The following NPAS3 variants were observed in gnomAD, a reference collection of about 807,000 sequenced individuals.
The protein encoded by NPAS3 is neuronal PAS domain-containing protein 3.
In NPAS3, 14 loss-of-function variants were observed where a neutral mutation model predicts 73.1. That is an observed-to-expected ratio of 0.19 (90% CI 0.13 to 0.30). NPAS3 has a LOEUF of 0.30. Ranked by LOEUF, NPAS3 falls within the 10% of genes least tolerant of loss-of-function variation. The pLI is 1.00. For missense variants in NPAS3, 1,096 were observed against 1,250.0 expected (o/e 0.88, Z 1.86); for synonymous variants, 620 against 541.5 (o/e 1.14, Z -2.01).
At chr14:33,770,639 A>G (rs539831801) in intron 7 of NPAS3, among the ~76,000 whole-genome samples, 18 of 152,236 alleles carry the variant, frequency 1.2e-4, no homozygotes, top group African/African-American at 4.3e-4. Context: ...ACTGCCAGGC[A>G]CAGTAATCCC....
At chr14:33,500,590 G>C (rs922082360) in intron 4 of NPAS3, among the ~76,000 whole-genome samples, 1 of 151,918 alleles carries the variant, frequency 6.6e-6, no homozygotes, top group Non-Finnish European at 1.5e-5. Flanking sequence ...TACCAGAGGA[G>C]AATACGGCCT....
chr14:33,228,839 C>T (rs571132779), intron 3 of NPAS3, among the ~76,000 whole-genome samples: 6 of 152,144 alleles, frequency 3.9e-5, no homozygotes, highest in South Asian at 2.1e-4. Flanking sequence ...GAGAAAAAGA[C>T]GGTAGTCCTT....
intron 7 of NPAS3, among the ~76,000 whole-genome samples, chr14:33,745,439 CTTCT>C (rs2061763450): frequency 6.6e-6 from 1 of 152,164 alleles, no homozygotes; most frequent in Non-Finnish European, 1.5e-5. Flanking sequence ...TTTTATTTAA[CTTCT>C]TTAAGCATCT....
chr14:32,960,612 A>C (rs536583524), intron 1 of NPAS3, among the ~76,000 whole-genome samples: 1 of 152,294 alleles, frequency 6.6e-6, no homozygotes, highest in Non-Finnish European at 1.5e-5. Context: ...TTTCTTCATT[A>C]CTCTACCAAT....
chr14:33,396,486 A>G (rs1448084705), intron 4 of NPAS3, among the ~76,000 whole-genome samples: 1 of 152,196 alleles, frequency 6.6e-6, no homozygotes, highest in African/African-American at 2.4e-5. Context: ...TGTTTGTTTC[A>G]GAATTTATTT....
At chr14:33,296,710 C>T (rs551640186) in intron 3 of NPAS3, among the ~76,000 whole-genome samples, 51 of 152,310 alleles carry the variant, frequency 3.3e-4, no homozygotes, top group African/African-American at 1.2e-3. Flanking sequence ...AGTTTTTCGA[C>T]TCCATTTTTC....
At chr14:33,407,306 C>T (rs746467198) in intron 4 of NPAS3, among the ~76,000 whole-genome samples, 3 of 152,206 alleles carry the variant, frequency 2.0e-5, no homozygotes, top group South Asian at 2.1e-4. Flanking sequence ...TCCACCTCCA[C>T]GAGTCCTAGG....
At position 33,056,111 on chromosome 14, in the gene NPAS3, G is replaced by GAAA. The variant is rs35719018; in HGVS notation, c.140+124_140+126dup. The GAAA allele has an allele frequency of 2.9e-3, 1,310 of 452,650 alleles. 5 individuals are homozygous for GAAA. Among genetic ancestry groups the GAAA allele is most frequent in the South Asian group, 0.014 (285 of 20,298 alleles). The allele number at this position is 452,650 out of a possible 1,614,324, so 28.0% of individuals were successfully genotyped here. ...TCTTTTTATCTAATTTAGTGGGGGA[G>GAAA]AAAAAAAAACAAAAAAACAAACCAA... On this transcript the variant is annotated intron_variant, in intron 2 of 11. Coordinates refer to ENST00000356141, the Ensembl canonical transcript of NPAS3.
chr14:33,553,036 T>C (rs1381410916), intron 4 of NPAS3, among the ~76,000 whole-genome samples: 1 of 152,228 alleles, frequency 6.6e-6, no homozygotes, highest in Non-Finnish European at 1.5e-5. Context: ...GTGCTCCAAA[T>C]GGAGCCCCGG....
intron 2 of NPAS3, among the ~76,000 whole-genome samples, chr14:33,137,803 G>T (rs1043151324): frequency 7.2e-5 from 11 of 152,096 alleles, no homozygotes; most frequent in African/African-American, 1.9e-4. Context: ...GAGCTATTTG[G>T]CTAACATTTA....
chr14:33,299,596 C>CT (rs1261359999), intron 3 of NPAS3, among the ~76,000 whole-genome samples: 3 of 42,334 alleles, frequency 7.1e-5, no homozygotes, highest in East Asian at 9.1e-4. Context: ...AAGCTAGTTT[C>CT]TTTTTTTTGT....
At chr14:33,445,429 T>G (rs941085658) in intron 4 of NPAS3, among the ~76,000 whole-genome samples, 1 of 152,248 alleles carries the variant, frequency 6.6e-6, no homozygotes, top group Admixed American at 6.5e-5. Flanking sequence ...CTCTGACATG[T>G]GCCTCCAATT....
At chr14:33,633,154 T>G (rs1396218598) in intron 5 of NPAS3, among the ~76,000 whole-genome samples, 1 of 152,214 alleles carries the variant, frequency 6.6e-6, no homozygotes, top group Non-Finnish European at 1.5e-5. Context: ...TATGCTTAGG[T>G]TATATGCATA....
At chr14:32,939,638 A>AAAG (rs1299136269) in intron 1 of NPAS3, among the ~76,000 whole-genome samples, 4 of 149,436 alleles carry the variant, frequency 2.7e-5, no homozygotes, top group South Asian at 2.1e-4. Context: ...AAAAAAAAAA[A>AAAG]AAGAAGAAAG....
intron 2 of NPAS3, among the ~76,000 whole-genome samples, chr14:33,120,140 T>C (rs1255610455): frequency 6.6e-6 from 1 of 152,124 alleles, no homozygotes; most frequent in Non-Finnish European, 1.5e-5. Flanking sequence ...TTTGTATTTT[T>C]AGTAGAGATG....
chr14:33,516,391 T>C (rs2053299177), intron 4 of NPAS3, among the ~76,000 whole-genome samples: 1 of 152,194 alleles, frequency 6.6e-6, no homozygotes, highest in Non-Finnish European at 1.5e-5. Context: ...CTTCTACCAC[T>C]TGTAAATACA....
chr14:33,772,748 G>C (rs931403707), intron 7 of NPAS3, among the ~76,000 whole-genome samples: 6 of 152,194 alleles, frequency 3.9e-5, no homozygotes, highest in Non-Finnish European at 7.3e-5. Context: ...GCACAAACGT[G>C]TGTCTGTGAT....
intron 5 of NPAS3, among the ~76,000 whole-genome samples, chr14:33,636,106 G>C (rs919512587): frequency 6.6e-6 from 1 of 152,162 alleles, no homozygotes; most frequent in African/African-American, 2.4e-5. Context: ...TTTTAGTAAA[G>C]ACAGGGTTTC....
intron 6 of NPAS3, among the ~76,000 whole-genome samples, chr14:33,703,048 G>T (rs1024447979): frequency 5.9e-5 from 9 of 152,162 alleles, no homozygotes; most frequent in African/African-American, 2.2e-4. Context: ...TCCATCCTGA[G>T]TCAATATATT....
Sources: gnomAD v4.1 joint callset for allele counts (sites outside exome capture counted in the v4.1 genomes callset) on GRCh38, gnomAD v4.1.1 for gene constraint, MANE v1.5 for transcripts, NCBI Gene and HGNC (gene_info 2026-07-23, HGNC 2026-07-21) for gene names.